The following ZNF782 variants were observed in gnomAD, a reference collection of about 807,000 sequenced individuals.
ZNF782 encodes zinc finger protein 782.
ZNF782 carries 12 observed loss-of-function variants against 13.0 expected under a neutral mutation model. That is an observed-to-expected ratio of 0.92 (90% CI 0.59 to 1.50). The LOEUF is 1.50. Among genes scored for constraint, ZNF782 ranks in the 40% most tolerant of loss-of-function variants. The pLI is 0.00. For missense variants in ZNF782, 770 were observed against 822.9 expected, an observed-to-expected ratio of 0.94 and a Z score of 0.79; for synonymous variants, 284 against 283.0, an observed-to-expected ratio of 1.00 and a Z score of -0.04.
At chr9:96,888,606 T>G in the ZNF782 span, 1 of 152,208 alleles carries the variant, frequency 6.6e-6, no homozygotes, top group African/African-American at 2.4e-5. Context: ...TGGCAGACCT[T>G]GATTGGGCAG....
chr9:96,889,362 G>A, the ZNF782 span: 4,374 of 152,110 alleles, frequency 0.029, 228 homozygotes, highest in African/African-American at 0.1. Context: ...GCCCAAGTCA[G>A]GTTGTTAATA....
chr9:96,880,371 A>G (rs765981200), upstream of ZNF782, among the ~76,000 whole-genome samples: 1 of 152,172 alleles, frequency 6.6e-6, no homozygotes, highest in African/African-American at 2.4e-5. Context: ...ATTTTAGGGG[A>G]AAAGCATTGA....
At chr9:96,896,709 A>G in the ZNF782 span, among the ~76,000 whole-genome samples, 1 of 152,220 alleles carries the variant, frequency 6.6e-6, no homozygotes, top group Admixed American at 6.5e-5. Context: ...GCTAGTTTTA[A>G]GCCCAGGATA....
chr9:96,892,673 C>CTATA, the ZNF782 span: 1 of 152,066 alleles, frequency 6.6e-6, no homozygotes, highest in Non-Finnish European at 1.5e-5. Flanking sequence ...TTTTCTTGAA[C>CTATA]TATATTCTTC....
chr9:96,818,060 A>G lies in ZNF782; in HGVS notation c.1963T>C (p.Phe655Leu). 6.2e-7 allele frequency: 1 copy of G among 1,613,822 alleles called. No homozygotes were observed. The highest frequency in any genetic ancestry group is 8.5e-7 in the Non-Finnish European group (1 of 1,179,954). ...PYNCNQCGEA[F>L]SQKSNLRVHQ... ...ACTCTGAGATTGGATTTCTGACTGA[A>G]AGCTTCCCCACACTGATTACAATTA... Residue 655 changes from phenylalanine to leucine, a missense_variant, in exon 6 of 6, where the codon TTC becomes CTC. By Grantham distance (22) the Phe-to-Leu change is conservative. Transcript: ENST00000481138.
At chr9:96,845,090 A>G (rs1851309099) in intron 3 of ZNF782, 74 bp from the exon 4 acceptor site, 2 of 1,573,886 alleles carry the variant, frequency 1.3e-6, no homozygotes, top group South Asian at 1.1e-5. Flanking sequence ...AAACTAACTC[A>G]TTATGTTTAC....
chr9:96,820,325 G>C (rs774088188), intron 5 of ZNF782, among the ~76,000 whole-genome samples: 8 of 152,100 alleles, frequency 5.3e-5, no homozygotes, highest in Non-Finnish European at 8.8e-5. Flanking sequence ...CATCACAAAA[G>C]AAATTTATAA....
intron 4 of ZNF782, among the ~76,000 whole-genome samples, chr9:96,844,627 T>C (rs538437410): frequency 6.6e-6 from 1 of 152,200 alleles, no homozygotes; most frequent in Admixed American, 6.5e-5. Flanking sequence ...CAAAGAATCT[T>C]CTGGGGGGTG....
chr9:96,821,379 T>C (rs946984538), intron 5 of ZNF782, among the ~76,000 whole-genome samples: 3 of 152,236 alleles, frequency 2.0e-5, no homozygotes, highest in Non-Finnish European at 4.4e-5. Context: ...ATGTAGACTC[T>C]AGATGTCCTT....
At chr9:96,846,336 T>A (rs1487851458) in intron 3 of ZNF782, among the ~76,000 whole-genome samples, 1 of 152,110 alleles carries the variant, frequency 6.6e-6, no homozygotes, top group Non-Finnish European at 1.5e-5. Flanking sequence ...GTATCTCACA[T>A]CTCAATATTA....
At chr9:96,905,879 C>T in the ZNF782 span, among the ~76,000 whole-genome samples, 2 of 152,098 alleles carry the variant, frequency 1.3e-5, no homozygotes, top group Admixed American at 6.6e-5. Context: ...CCACCGTGCC[C>T]GGCCTATTCC....
the ZNF782 span, among the ~76,000 whole-genome samples, chr9:96,882,826 A>C: frequency 1.3e-5 from 2 of 152,244 alleles, no homozygotes; most frequent in South Asian, 4.1e-4. Context: ...TGGCCTCAAA[A>C]GACTAGCTGA....
At chr9:96,917,397 T>C in the ZNF782 span, among the ~76,000 whole-genome samples, 1 of 151,818 alleles carries the variant, frequency 6.6e-6, no homozygotes, top group Non-Finnish European at 1.5e-5. Flanking sequence ...TAACTAACAA[T>C]AGGCGACTGA....
intron 3 of ZNF782, among the ~76,000 whole-genome samples, chr9:96,845,537 G>A (rs570153319): frequency 7.9e-5 from 12 of 152,316 alleles, no homozygotes; most frequent in South Asian, 2.1e-4. Flanking sequence ...GATTACAGGC[G>A]TGGGCCATAG....
the ZNF782 span, among the ~76,000 whole-genome samples, chr9:96,915,105 C>T: frequency 6.6e-6 from 1 of 151,738 alleles, no homozygotes; most frequent in African/African-American, 2.4e-5. Flanking sequence ...ACTAATTATG[C>T]CAAGAAAATT....
chr9:96,841,269 A>C (rs1156278850), intron 4 of ZNF782, among the ~76,000 whole-genome samples: 1 of 151,998 alleles, frequency 6.6e-6, no homozygotes, highest in African/African-American at 2.4e-5. Flanking sequence ...CCCAAAAAGA[A>C]GTCTCTAGGC....
chr9:96,887,290 G>GA, the ZNF782 span: 1,198 of 67,768 alleles, frequency 0.018, 19 homozygotes, highest in African/African-American at 0.056. Context: ...AAAAAGAAAG[G>GA]AAGGAAGGAA....
chr9:96,851,340 A>G (rs1851479203), intron 3 of ZNF782, among the ~76,000 whole-genome samples: 1 of 152,188 alleles, frequency 6.6e-6, no homozygotes, highest in African/African-American at 2.4e-5. Context: ...CTTCACACAA[A>G]AAGTCTTCGC....
At chr9:96,858,123 C>T (rs1851666333), upstream of ZNF782, among the ~76,000 whole-genome samples, 1 of 152,170 alleles carries the variant, frequency 6.6e-6, no homozygotes. The surrounding 1 kb of genome is among the most constrained non-coding windows in gnomAD (Gnocchi z 4.4). Flanking sequence ...TGTAGCTTCA[C>T]CCTGAGTCAT....
Sources: allele counts gnomAD v4.1 joint callset (sites outside exome capture counted in the v4.1 genomes callset), GRCh38; gene constraint gnomAD v4.1.1; non-coding constraint Gnocchi (gnomAD v3.1); transcripts MANE v1.5; gene names NCBI Gene and HGNC (gene_info 2026-07-23, HGNC 2026-07-21).